TRIM52: variants seen among roughly 807,000 people sequenced by gnomAD.
TRIM52 encodes tripartite motif containing 52.
In TRIM52, 24 loss-of-function variants were observed where a neutral mutation model predicts 27.0. The observed-to-expected ratio is 0.89, with a 90% CI of 0.64 to 1.25. TRIM52 has a LOEUF of 1.25. Among genes scored for constraint, TRIM52 ranks in the 50% most tolerant of loss-of-function variants. The probability of loss-of-function intolerance (pLI) is 0.00; values close to 1 mark genes in which losing one functional copy is unlikely to be tolerated. For synonymous variants in TRIM52, 125 were observed against 126.5 expected (o/e 0.99, Z 0.08); for missense variants, 351 against 354.7 (o/e 0.99, Z 0.08).
chr5:181,250,676 G>A (rs1454705689), downstream of TRIM52, among the ~76,000 whole-genome samples: 3 of 152,190 alleles, frequency 2.0e-5, no homozygotes, highest in Non-Finnish European at 4.4e-5. Context: ...CTGGAGAGAG[G>A]ACGTCATATA....
Position 181,260,866 on chromosome 5 carries a change from G to A in TRIM52, c.-53C>T. The A allele has an allele frequency of 1.3e-6, 2 of 1,528,548 alleles. No homozygotes were observed. Among genetic ancestry groups the A allele is most frequent in the Non-Finnish European group, 1.8e-6 (2 of 1,136,998 alleles). The allele number at this position is 1,528,548 out of a possible 1,614,324, so 94.7% of individuals were successfully genotyped here. A position where few individuals can be genotyped will look rare whatever the true frequency, so the allele number is the denominator to read the frequency against. On this transcript the variant is annotated 5_prime_UTR_variant, in exon 1 of 2. Coordinates refer to ENST00000688015, the MANE Select transcript of TRIM52 (RefSeq NM_001346048.2). This position sits in a 1 kb window ranked among gnomAD's most constrained non-coding sequence, Gnocchi z 4.4. Reference sequence around the variant, plus strand: ...CGTCAGCTTGGAGCTGAGGAGCGGGGACGCGCCTGCAGGCCTGCCTCCAAA... The same window carrying A: ...CGTCAGCTTGGAGCTGAGGAGCGGGAACGCGCCTGCAGGCCTGCCTCCAAA...
At chr5:181,253,305 G>C (rs1561685519), downstream of TRIM52, among the ~76,000 whole-genome samples, 1 of 142,410 alleles carries the variant, frequency 7.0e-6, no homozygotes, top group Non-Finnish European at 1.5e-5. Flanking sequence ...AAAGTGCTGG[G>C]ATTACAGGCA....
In TRIM52 at chr5:181,260,600, C is replaced by G. The variant is rs753012744; in HGVS notation, c.214G>C (p.Val72Leu). 15 of 1,614,062 alleles carry G rather than the reference C, an allele frequency of 9.3e-6. No homozygotes were observed. The South Asian group carries it at 1.6e-4, about 18-fold the overall frequency. ...CCGTCCCATCCATCCATGGCCCCCACCGCTTCCTCGTCCTCCTCCTCCTCC... is the reference window on the plus strand; with the variant it reads ...CCGTCCCATCCATCCATGGCCCCCAGCGCTTCCTCGTCCTCCTCCTCCTCC... ...EWEEEEDEEA[V>L]GAMDGWDGSI... The change falls in exon 1 of 2, where the codon GTG becomes CTG. Residue 72 changes from valine (V) to leucine (L), a missense_variant. Coordinates refer to ENST00000688015, the MANE Select transcript of TRIM52 (RefSeq NM_001346048.2). The surrounding 1 kb of genome is among the most constrained non-coding windows in gnomAD (Gnocchi z 4.4).
In TRIM52 at chr5:181,256,474, T is replaced by G. The variant is rs1333827854; in HGVS notation, c.*335A>C. ...AGCTCCGCCTCCCAGGTTCATGTCA[T>G]TCTCCTGCCTCAGCCTCTTGCGAGC... On this transcript the variant is annotated 3_prime_UTR_variant, in exon 2 of 2. Coordinates refer to ENST00000688015, the MANE Select transcript of TRIM52 (RefSeq NM_001346048.2). The G allele has an allele frequency of 6.6e-6, 1 of 152,028 alleles. No homozygotes were observed. The highest frequency in any genetic ancestry group is 2.4e-5 in the African/African-American group (1 of 41,372). The allele number at this position is 152,028 out of a possible 1,614,324, so 9.4% of individuals were successfully genotyped here.
chr5:181,251,124 A>G (rs566743392), downstream of TRIM52, among the ~76,000 whole-genome samples: 1 of 152,044 alleles, frequency 6.6e-6, no homozygotes, highest in South Asian at 2.1e-4. Flanking sequence ...TTACATTTTA[A>G]TTTTTTTAAA....
chr5:181,253,098 C>T (rs976761133), downstream of TRIM52, among the ~76,000 whole-genome samples: 1 of 119,104 alleles, frequency 8.4e-6, no homozygotes, highest in Non-Finnish European at 1.6e-5. Context: ...TGCAATGGTG[C>T]GATCTCGGCT....
intron 1 of TRIM52, chr5:181,257,554 A>G: frequency 1.4e-6 from 2 of 1,384,756 alleles, no homozygotes; most frequent in Non-Finnish European, 2.0e-6. Flanking sequence ...AAGATAATGT[A>G]TACTGTATTA....
Position 181,261,002 on chromosome 5 carries a change from C to T in TRIM52, c.-189G>A. ...GAACGCCCAGATCCAGACTCACAGC[C>T]TCTCTCTGGGATCGGTGGGGACAGA... On this transcript the variant is annotated 5_prime_UTR_variant, in exon 1 of 2. Coordinates refer to ENST00000688015, the MANE Select transcript of TRIM52 (RefSeq NM_001346048.2). 1 of 783,304 alleles carries T rather than the reference C, an allele frequency of 1.3e-6. No homozygotes were observed. Among genetic ancestry groups the T allele is most frequent in the Non-Finnish European group, 2.0e-6 (1 of 511,368 alleles). The allele number at this position is 783,304 out of a possible 1,614,324, so 48.5% of individuals were successfully genotyped here. A position where few individuals can be genotyped will look rare whatever the true frequency, so the allele number is the denominator to read the frequency against.
At chr5:181,251,800 C>T (rs1214978673), downstream of TRIM52, among the ~76,000 whole-genome samples, 3 of 152,144 alleles carry the variant, frequency 2.0e-5, no homozygotes, top group Non-Finnish European at 2.9e-5. Context: ...TAGATCTGTC[C>T]TCTCATTAAC....
Position 181,261,095 on chromosome 5 carries a change from T to A in TRIM52, c.-282A>T, listed in dbSNP as rs570891894. The stretch of plus-strand genomic sequence containing the variant: ...GCTACCCTCAGGGTGTGCCCTACAC[T>A]GCGGCGTCCGCCTCAGATGCAGCCG... On this transcript the variant is annotated 5_prime_UTR_variant, in exon 1 of 2. Coordinates refer to ENST00000688015, the MANE Select transcript of TRIM52 (RefSeq NM_001346048.2). 1 of 380,334 alleles carries A rather than the reference T, an allele frequency of 2.6e-6. No individual in the cohort carries two copies. Among genetic ancestry groups the A allele is most frequent in the African/African-American group, 2.0e-5 (1 of 49,366 alleles). The allele number at this position is 380,334 out of a possible 1,614,324, so 23.6% of individuals were successfully genotyped here. A position where few individuals can be genotyped will look rare whatever the true frequency, so the allele number is the denominator to read the frequency against.
At position 181,260,275 on chromosome 5, in the gene TRIM52, T is replaced by C; in HGVS notation, c.539A>G (p.Gln180Arg). Reference protein sequence around the residue: ...HPPPSLPLPGQFTCPQCRKSF... With the variant: ...HPPPSLPLPGRFTCPQCRKSF... ...CTTTCGGCACTGGGGGCAGGTGAAC[T>C]GCCCTGGAAGGGGCAAGGAAGGAGG... Residue 180 changes from glutamine to arginine, a missense_variant, in exon 1 of 2, where the codon CAG (glutamine) becomes CGG (arginine). Physicochemically the swap from Gln to Arg is conservative, Grantham distance 43. Transcript: ENST00000688015. This position sits in a 1 kb window ranked among gnomAD's most constrained non-coding sequence, Gnocchi z 4.4. 6.2e-7 allele frequency: 1 copy of C among 1,614,216 alleles called. No homozygotes were observed. The highest frequency in any genetic ancestry group is 8.5e-7 in the Non-Finnish European group (1 of 1,180,032).
chr5:181,260,347 G>A lies in TRIM52; in HGVS notation c.467C>T (p.Ala156Val), dbSNP rs760212623. 6.2e-7 allele frequency: 1 copy of A among 1,614,126 alleles called. No homozygotes were observed. Among genetic ancestry groups the A allele is most frequent in the South Asian group, 1.1e-5 (1 of 91,056 alleles). Reference protein sequence around the residue: ...DVYREEEILEAYDEDEDEELY... With the variant: ...DVYREEEILEVYDEDEDEELY... ...CTCTTCATCTTCGTCCTCATCGTATGCTTCCAGTATTTCTTCTTCTCGGTA... is the reference window on the plus strand; with the variant it reads ...CTCTTCATCTTCGTCCTCATCGTATACTTCCAGTATTTCTTCTTCTCGGTA... Residue 156 changes from alanine (A) to valine (V), a missense_variant, in exon 1 of 2, where the codon GCA becomes GTA. Physicochemically the swap from Ala to Val is moderately conservative, Grantham distance 64. Transcript: ENST00000688015. This position sits in a 1 kb window ranked among gnomAD's most constrained non-coding sequence, Gnocchi z 4.4.
intron 1 of TRIM52, 191 bp downstream of exon 1, chr5:181,259,810 A>G: frequency 7.5e-7 from 1 of 1,326,098 alleles, no homozygotes; most frequent in Non-Finnish European, 1.0e-6. Context: ...AATCTGCCCC[A>G]ATCTTCATGG....
downstream of TRIM52, among the ~76,000 whole-genome samples, chr5:181,251,351 CA>C (rs1162998393): frequency 2.0e-5 from 3 of 151,910 alleles, no homozygotes; most frequent in African/African-American, 7.3e-5. Context: ...CAAACCTCAG[CA>C]GGGGGAATCG....
intron 1 of TRIM52, chr5:181,257,284 A>AGGT (rs1225581933): frequency 1.5e-6 from 2 of 1,303,264 alleles, no homozygotes; most frequent in Non-Finnish European, 2.0e-6. Flanking sequence ...TTCTTACAGA[A>AGGT]AATCAAATTT....
rs758635675 is a variant in TRIM52, at chr5:181,259,710, C to T, written c.813+291G>A. On this transcript the variant is annotated intron_variant, in intron 1 of 1. Transcript: ENST00000688015. The stretch of plus-strand genomic sequence containing the variant: ...GTACTGGGTATCTGTTACTCACGTC[C>T]CTTACACTTAGGTAGACTGCCAGTA... The T allele has an allele frequency of 5.8e-6, 3 of 513,098 alleles. No homozygotes were observed. In the South Asian group the frequency reaches 6.3e-5, roughly 11 times the overall value. The allele number at this position is 513,098 out of a possible 1,614,324, so 31.8% of individuals were successfully genotyped here. A position where few individuals can be genotyped will look rare whatever the true frequency, so the allele number is the denominator to read the frequency against.
Position 181,260,225 on chromosome 5 carries a change from G to A in TRIM52, c.589C>T (p.Pro197Ser), listed in dbSNP as rs1759980214. ...ACCATGTTGGCCAGCTGCAAGTTGG[G>A]ACGAAAGCTGCGACGTGTAAAGCTC... is the stretch of plus-strand genomic sequence containing the variant. Reference protein sequence around the residue: ...RKSFTRRSFRPNLQLANMVQI... With the variant: ...RKSFTRRSFRSNLQLANMVQI... The change falls in exon 1 of 2, where the codon CCC becomes TCC. Residue 197 changes from proline (P) to serine (S), a missense_variant. Physicochemically the swap from Pro to Ser is moderately conservative, Grantham distance 74. Transcript: ENST00000688015. The surrounding 1 kb of genome is among the most constrained non-coding windows in gnomAD (Gnocchi z 4.4). 2 of 1,614,240 alleles carry A rather than the reference G, an allele frequency of 1.2e-6. No homozygotes were observed. Among genetic ancestry groups the A allele is most frequent in the South Asian group, 1.1e-5 (1 of 91,088 alleles).
In TRIM52 at chr5:181,260,146, T is replaced by C. The variant is rs144966268; in HGVS notation, c.668A>G (p.Asp223Gly). Residue 223 changes from aspartate to glycine, a missense_variant, in exon 1 of 2, where the codon GAT becomes GGT. Transcript: ENST00000688015. This position sits in a 1 kb window ranked among gnomAD's most constrained non-coding sequence, Gnocchi z 4.4. Reference protein sequence around the residue: ...PTPYRGNRSNDQGMCFKHQEA... With the variant: ...PTPYRGNRSNGQGMCFKHQEA... The stretch of plus-strand genomic sequence containing the variant: ...CTGGTGTTTAAAGCACATGCCCTGA[T>C]CATTACTCCGGTTTCCCCGATAAGG... 19 of 1,614,092 alleles carry C rather than the reference T, an allele frequency of 1.2e-5. No homozygotes were observed. Among genetic ancestry groups the C allele is most frequent in the Non-Finnish European group, 1.6e-5 (19 of 1,180,046 alleles).
chr5:181,250,542 AG>A (rs1185519768), downstream of TRIM52, among the ~76,000 whole-genome samples: 5 of 152,190 alleles, frequency 3.3e-5, no homozygotes, highest in East Asian at 3.9e-4. Context: ...TCTCAAAAAA[AG>A]AAAAAAAAAA....
Sources: allele counts gnomAD v4.1 joint callset (sites outside exome capture counted in the v4.1 genomes callset), GRCh38; gene constraint gnomAD v4.1.1; non-coding constraint Gnocchi (gnomAD v3.1); transcripts MANE v1.5; gene names NCBI Gene and HGNC (gene_info 2026-07-23, HGNC 2026-07-21).